Variants in VPS16 observed in about 807,000 individuals in gnomAD.
The protein encoded by VPS16 is VPS16 core subunit of CORVET and HOPS complexes.
VPS16 carries 82 observed loss-of-function variants against 116.0 expected under a neutral mutation model. The ratio of observed to expected loss-of-function variants is 0.71; its 90% CI spans 0.59 to 0.85. The LOEUF is 0.85. Among genes scored for constraint, VPS16 ranks in the 40% least tolerant of loss-of-function variants. VPS16 has a pLI of 0.00. For missense variants in VPS16, 928 were observed against 1,090.6 expected, an observed-to-expected ratio of 0.85 and a Z score of 2.10; for synonymous variants, 406 against 420.7, an observed-to-expected ratio of 0.96 and a Z score of 0.43.
chr20:2,860,737 C>T lies in VPS16; in HGVS notation c.515-11C>T, dbSNP rs763111812. On this transcript the variant is annotated splice_polypyrimidine_tract_variant and intron_variant, in intron 5 of 23. Transcript: ENST00000380445. This position sits in a 1 kb window ranked among gnomAD's most constrained non-coding sequence, Gnocchi z 6.1. ...TGGTCATCCTAACACTGTCCTTTTC[C>T]CTGGCCATAGGTCTGCAAAGTGCAC... 1.2e-6 allele frequency: 2 copies of T among 1,613,760 alleles called. No individual in the cohort carries two copies. Among genetic ancestry groups the T allele is most frequent in the East Asian group, 4.5e-5 (2 of 44,872 alleles).
intron 1 of VPS16, among the ~76,000 whole-genome samples, chr20:2,845,007 G>GGT (rs375923174): frequency 0.23 from 33,529 of 143,862 alleles, 5,052 homozygotes; most frequent in African/African-American, 0.44. Flanking sequence ...ATTTGCAAGG[G>GGT]GTGTGTGTGT....
Position 2,863,137 on chromosome 20 carries a change from A to G in VPS16, c.1367+37A>G, listed in dbSNP as rs1197462469. 1.9e-6 allele frequency: 3 copies of G among 1,612,686 alleles called. No homozygotes were observed. The highest frequency in any genetic ancestry group is 1.7e-5 in the Admixed American group (1 of 59,936). ...CCAAGGGTGCAGTGAGCGGGCTGTC[A>G]GGGGGGTGGGCATTACAGCCTTGGG... On this transcript the variant is annotated intron_variant, in intron 14 of 23. Coordinates refer to ENST00000380445, the MANE Select transcript of VPS16 (RefSeq NM_022575.4). The surrounding 1 kb of genome is among the most constrained non-coding windows in gnomAD (Gnocchi z 4.4).
rs2089205486 is a variant in VPS16 at position 2,859,593 on chromosome 20, TAG to T, written c.54-121_54-120del. The T allele has an allele frequency of 3.7e-6, 4 of 1,084,292 alleles. No homozygotes were observed. The South Asian group carries it at 5.4e-5, about 15-fold the overall frequency. The allele number at this position is 1,084,292 out of a possible 1,614,324, so 67.2% of individuals were successfully genotyped here. Reference sequence around the variant, plus strand: ...TCACCCTCCTCCCTCCCTCTGGGGGTAGAGAGTGGAGACTTCCTCTACAGCCT... The same window carrying T: ...TCACCCTCCTCCCTCCCTCTGGGGGTAGAGTGGAGACTTCCTCTACAGCCT... On this transcript the variant is annotated intron_variant, in intron 1 of 23. Coordinates refer to ENST00000380445, the MANE Select transcript of VPS16 (RefSeq NM_022575.4).
chr20:2,859,671 C>T (rs201625989), intron 1 of VPS16, 48 bp from the exon 2 acceptor site: 298 of 1,592,246 alleles, frequency 1.9e-4, no homozygotes, highest in Admixed American at 2.7e-4. Flanking sequence ...TCACTCCATA[C>T]GGATGCAGGG....
chr20:2,840,788 C>T lies in VPS16; in HGVS notation c.14C>T (p.Thr5Met), dbSNP rs199981800. The part of the protein sequence containing the change: MDCY[T>M]ANWNPLGDSA... Reference sequence around the variant, plus strand: ...TCTGCACCAGCCATGGACTGCTACACGGCGAACTGGAACCCACTCGGGGAC... The same window carrying T: ...TCTGCACCAGCCATGGACTGCTACATGGCGAACTGGAACCCACTCGGGGAC... Residue 5 changes from threonine (T) to methionine (M), a missense_variant, in exon 1 of 24, where the codon ACG (threonine) becomes ATG (methionine). Coordinates refer to ENST00000380445, the MANE Select transcript of VPS16 (RefSeq NM_022575.4). 3.9e-6 allele frequency: 6 copies of T among 1,548,444 alleles called. No individual in the cohort carries two copies. Among genetic ancestry groups the T allele is most frequent in the Middle Eastern group, 2.3e-4 (1 of 4,432 alleles).
Position 2,860,127 on chromosome 20 carries a change from C to T in VPS16, c.216C>T (p.Ser72=), listed in dbSNP as rs3818605. The T allele has an allele frequency of 0.15, 248,388 of 1,613,888 alleles. 20,956 individuals are homozygous for T. The highest frequency in any genetic ancestry group is 0.26 in the South Asian group (24,125 of 91,066). ...VRPVLDIYSA[S]GMPLASLLWK... ...CAGTGCTCGATATATACTCTGCTTC[C>T]GGCATGCCTCTGGCCAGCCTGCTGG... Residue 72 remains serine (S), a synonymous_variant, in exon 3 of 24, where the codon TCC becomes TCT. Transcript: ENST00000380445. This position sits in a 1 kb window ranked among gnomAD's most constrained non-coding sequence, Gnocchi z 6.1.
rs2089221745 is a variant in VPS16, at chr20:2,860,994, G to A, written c.655G>A (p.Val219Ile). Residue 219 changes from valine (V) to isoleucine (I), a missense_variant, in exon 7 of 24, where the codon GTA becomes ATA. Physicochemically the swap from Val to Ile is conservative, Grantham distance 29 (BLOSUM62 3). Transcript: ENST00000380445. This position sits in a 1 kb window ranked among gnomAD's most constrained non-coding sequence, Gnocchi z 6.1. ...GACGCCCCCTGGCCTGGCCCCAGGA[G>A]TAAGCAGCTTCCTACAGATGGCTGT... ...AVTPPGLAPG[V>I]SSFLQMAVSF... The A allele has an allele frequency of 1.8e-5, 29 of 1,614,084 alleles. No homozygotes were observed. Among genetic ancestry groups the A allele is most frequent in the Non-Finnish European group, 2.4e-5 (28 of 1,180,056 alleles).
At chr20:2,856,535 T>A (rs914993047) in intron 1 of VPS16, among the ~76,000 whole-genome samples, 1 of 152,222 alleles carries the variant, frequency 6.6e-6, no homozygotes, top group Non-Finnish European at 1.5e-5. Context: ...AAATGATGTA[T>A]GCTTGTAGTA....
At position 2,866,196 on chromosome 20, in the gene VPS16, C is replaced by G. The variant is rs1440743774; in HGVS notation, c.2272-16C>G. Reference sequence around the variant, plus strand: ...GTGCATTACCTTCTCCCTCCACCCGCTTCCTCTCCTCCAAGCCTTTTGTGG... The same window carrying G: ...GTGCATTACCTTCTCCCTCCACCCGGTTCCTCTCCTCCAAGCCTTTTGTGG... On this transcript the variant is annotated splice_polypyrimidine_tract_variant and intron_variant, in intron 22 of 23. Coordinates refer to ENST00000380445, the MANE Select transcript of VPS16 (RefSeq NM_022575.4). The G allele has an allele frequency of 6.2e-7, 1 of 1,613,404 alleles. No homozygotes were observed. Among genetic ancestry groups the G allele is most frequent in the Non-Finnish European group, 8.5e-7 (1 of 1,179,490 alleles).
intron 1 of VPS16, among the ~76,000 whole-genome samples, chr20:2,857,895 G>C (rs907860007): frequency 2.0e-5 from 3 of 151,742 alleles, no homozygotes; most frequent in African/African-American, 7.3e-5. Context: ...ATTTTTAGTA[G>C]AGACAGGGTT....
intron 1 of VPS16, among the ~76,000 whole-genome samples, chr20:2,844,875 T>C (rs1385308350): frequency 6.6e-6 from 1 of 152,044 alleles, no homozygotes. Flanking sequence ...GAACAGGACA[T>C]GGATGAAGTT....
At chr20:2,854,718 C>T (rs376390869) in intron 1 of VPS16, among the ~76,000 whole-genome samples, 1 of 151,046 alleles carries the variant, frequency 6.6e-6, no homozygotes, top group South Asian at 2.1e-4. Context: ...ATTGCTTGAA[C>T]CCGGGAGGTG....
intron 1 of VPS16, among the ~76,000 whole-genome samples, chr20:2,846,881 C>T (rs912841761): frequency 1.3e-5 from 2 of 152,164 alleles, no homozygotes; most frequent in Non-Finnish European, 2.9e-5. Context: ...TTAGGTTTAA[C>T]GATTTCCTGG....
At chr20:2,855,275 T>C (rs1178780527) in intron 1 of VPS16, among the ~76,000 whole-genome samples, 1 of 135,986 alleles carries the variant, frequency 7.4e-6, no homozygotes, top group Admixed American at 7.7e-5. Context: ...AGTAATGTTT[T>C]TAAAGGAATC....
At chr20:2,862,968 G>A (rs368320522) in intron 13 of VPS16, 34 bp downstream of exon 13, 53 of 1,613,562 alleles carry the variant, frequency 3.3e-5, no homozygotes, top group Non-Finnish European at 4.4e-5. Flanking sequence ...GTACCCTACA[G>A]CCAGGGGTGG....
chr20:2,862,759 G>GGGGGGGGGC, intron 12 of VPS16, 48 bp from the exon 13 acceptor site: 3 of 777,190 alleles, frequency 3.9e-6, no homozygotes, highest in Non-Finnish European at 6.3e-6. Context: ...GAGGGGGTGG[G>GGGGGGGGGC]ATGGGCAGCA....
Position 2,859,709 on chromosome 20 carries a change from G to T in VPS16, c.54-10G>T, listed in dbSNP as rs763481102. The stretch of plus-strand genomic sequence containing the variant: ...ATGAGGCTAATTTCTGCTCATCTCT[G>T]TGTGGGCAGGAAATATGAGCTGTAC... On this transcript the variant is annotated splice_polypyrimidine_tract_variant and intron_variant, in intron 1 of 23. Transcript: ENST00000380445. 2 of 1,612,568 alleles carry T rather than the reference G, an allele frequency of 1.2e-6. No homozygotes were observed. Among genetic ancestry groups the T allele is most frequent in the Admixed American group, 1.7e-5 (1 of 59,652 alleles).
Position 2,860,336 on chromosome 20 carries a change from G to T in VPS16, c.338G>T (p.Gly113Val). Reference protein sequence around the residue: ...DGAVLVYGLHGDFRRHFSMGN... With the variant: ...DGAVLVYGLHVDFRRHFSMGN... Reference sequence around the variant, plus strand: ...GCTGTACTGGTTTATGGGCTTCATGGTGACTTCCGGAGACACTTCAGCATG... The same window carrying T: ...GCTGTACTGGTTTATGGGCTTCATGTTGACTTCCGGAGACACTTCAGCATG... Residue 113 changes from glycine to valine, a missense_variant, in exon 4 of 24, where the codon GGT becomes GTT. By Grantham distance (109) the Gly-to-Val change is moderately radical. Transcript: ENST00000380445. The surrounding 1 kb of genome is among the most constrained non-coding windows in gnomAD (Gnocchi z 6.1). The T allele has an allele frequency of 6.2e-7, 1 of 1,614,106 alleles. No individual in the cohort carries two copies. Among genetic ancestry groups the T allele is most frequent in the Non-Finnish European group, 8.5e-7 (1 of 1,180,010 alleles).
rs376684895 is a variant in VPS16, at chr20:2,864,137, A to G, written c.1612-42A>G. Reference sequence around the variant, plus strand: ...TCTGATGTGGTTGTTCAGGGCCCCCATGCCAGCTCCTTCTCTCTGTGCCTT... The same window carrying G: ...TCTGATGTGGTTGTTCAGGGCCCCCGTGCCAGCTCCTTCTCTCTGTGCCTT... On this transcript the variant is annotated intron_variant, in intron 16 of 23. Transcript: ENST00000380445. This position sits in a 1 kb window ranked among gnomAD's most constrained non-coding sequence, Gnocchi z 5.2. 3.1e-6 allele frequency: 5 copies of G among 1,613,750 alleles called. No individual in the cohort carries two copies. Among genetic ancestry groups the G allele is most frequent in the Admixed American group, 1.7e-5 (1 of 60,000 alleles).
Sources: gnomAD v4.1 joint callset for allele counts (sites outside exome capture counted in the v4.1 genomes callset) on GRCh38, gnomAD v4.1.1 for gene constraint, Gnocchi (gnomAD v3.1) non-coding constraint, MANE v1.5 for transcripts, NCBI Gene and HGNC (gene_info 2026-07-23, HGNC 2026-07-21) for gene names.